MRPS27: variants seen among roughly 807,000 people sequenced by gnomAD.
The protein encoded by MRPS27 is mitochondrial ribosomal protein S27, also known as small ribosomal subunit protein mS27.
A neutral mutation model predicts 48.9 loss-of-function variants in MRPS27; 43 were observed. That is an observed-to-expected ratio of 0.88 (90% CI 0.69 to 1.13). The LOEUF (loss-of-function observed/expected upper bound fraction) is 1.13. MRPS27 is among the 50% of genes most tolerant of loss of function. The pLI is 0.00. For synonymous variants in MRPS27, 188 were observed against 171.9 expected (o/e 1.09, Z -0.73); for missense variants, 467 against 476.3 (o/e 0.98, Z 0.18).
chr5:72,271,573 T>C (rs570194717), intron 4 of MRPS27, among the ~76,000 whole-genome samples: 1 of 152,240 alleles, frequency 6.6e-6, no homozygotes, highest in African/African-American at 2.4e-5. Context: ...GACAGGTAAA[T>C]ATAATGTGTG....
chr5:72,267,053 C>T (rs1408202692), intron 4 of MRPS27, among the ~76,000 whole-genome samples: 1 of 152,154 alleles, frequency 6.6e-6, no homozygotes, highest in Non-Finnish European at 1.5e-5. Context: ...TTTTCCAGAG[C>T]ACTTCTACAT....
chr5:72,234,000 C>T (rs933245657), intron 6 of MRPS27, 119 bp downstream of exon 6: 275 of 1,128,146 alleles, frequency 2.4e-4, no homozygotes, highest in Non-Finnish European at 3.0e-4. Context: ...ACTTTTCTGA[C>T]TAAACGAGTA....
At chr5:72,308,305 G>A (rs1193603033) in intron 2 of MRPS27, among the ~76,000 whole-genome samples, 1 of 152,248 alleles carries the variant, frequency 6.6e-6, no homozygotes, top group East Asian at 1.9e-4. Flanking sequence ...CGGCTCAGGG[G>A]AGACGGCGCT....
chr5:72,305,189 T>C (rs1750227360), intron 2 of MRPS27, among the ~76,000 whole-genome samples: 1 of 152,208 alleles, frequency 6.6e-6, no homozygotes, highest in South Asian at 2.1e-4. Context: ...TTTGTGTACA[T>C]ATATATTAAT....
intron 3 of MRPS27, among the ~76,000 whole-genome samples, chr5:72,297,124 T>C (rs903819047): frequency 3.3e-5 from 5 of 152,194 alleles, no homozygotes; most frequent in Admixed American, 2.0e-4. Flanking sequence ...AAAAAAATAA[T>C]GTATGTTAAG....
chr5:72,312,081 G>A (rs920922508), intron 2 of MRPS27, among the ~76,000 whole-genome samples: 2 of 152,172 alleles, frequency 1.3e-5, no homozygotes, highest in African/African-American at 2.4e-5. Context: ...GCAGTGAGCC[G>A]AGATGACGCC....
At chr5:72,256,569 T>C (rs1431880147) in intron 4 of MRPS27, among the ~76,000 whole-genome samples, 4 of 152,346 alleles carry the variant, frequency 2.6e-5, no homozygotes, top group African/African-American at 9.6e-5. Context: ...TCTTAATGTA[T>C]TGCCCTCTTC....
intron 4 of MRPS27, among the ~76,000 whole-genome samples, chr5:72,287,679 G>A (rs939940326): frequency 6.6e-6 from 1 of 151,978 alleles, no homozygotes; most frequent in African/African-American, 2.4e-5. Flanking sequence ...CAAAAGATTC[G>A]AACACTTTAC....
intron 5 of MRPS27, among the ~76,000 whole-genome samples, chr5:72,234,521 CT>C (rs1228838924): frequency 6.6e-6 from 1 of 152,004 alleles, no homozygotes; most frequent in African/African-American, 2.4e-5. Context: ...CACAACCCCC[CT>C]AACTGGTTCA....
At chr5:72,287,602 G>A (rs527333579) in intron 4 of MRPS27, among the ~76,000 whole-genome samples, 3 of 152,316 alleles carry the variant, frequency 2.0e-5, no homozygotes, top group African/African-American at 7.2e-5. Flanking sequence ...TCGTGCTACC[G>A]CACTCCAGCC....
chr5:72,269,936 T>C (rs1042345451), intron 4 of MRPS27, among the ~76,000 whole-genome samples: 163 of 152,220 alleles, frequency 1.1e-3, no homozygotes, highest in African/African-American at 3.9e-3. Flanking sequence ...CTCACGCCTG[T>C]AATCCCAGCA....
chr5:72,295,800 T>G (rs935488597), intron 3 of MRPS27, among the ~76,000 whole-genome samples: 3 of 152,214 alleles, frequency 2.0e-5, no homozygotes, highest in Admixed American at 6.5e-5. Flanking sequence ...ATGGCTTCTC[T>G]TTTTCTATGT....
chr5:72,239,468 T>C (rs1320548780), intron 4 of MRPS27, among the ~76,000 whole-genome samples: 2 of 152,166 alleles, frequency 1.3e-5, no homozygotes, highest in African/African-American at 4.8e-5. Context: ...CTAGAAAATG[T>C]CTCTCTCACT....
intron 4 of MRPS27, among the ~76,000 whole-genome samples, chr5:72,245,303 C>G (rs1325648215): frequency 1.3e-5 from 2 of 152,208 alleles, no homozygotes; most frequent in African/African-American, 4.8e-5. Flanking sequence ...ATCCCGGAAC[C>G]AGTCCTGTTT....
At chr5:72,302,877 C>T (rs1412076349) in intron 2 of MRPS27, among the ~76,000 whole-genome samples, 2 of 152,192 alleles carry the variant, frequency 1.3e-5, no homozygotes, top group East Asian at 3.8e-4. Context: ...TAAAACTTAT[C>T]ACTACAATAA....
intron 4 of MRPS27, among the ~76,000 whole-genome samples, chr5:72,241,115 G>A (rs73125475): frequency 0.013 from 2,002 of 152,274 alleles, 55 homozygotes; most frequent in African/African-American, 0.046. Flanking sequence ...ACAGCTCACT[G>A]CAGCCTTGAA....
chr5:72,288,354 C>T (rs1158231667), intron 4 of MRPS27, among the ~76,000 whole-genome samples: 1 of 152,062 alleles, frequency 6.6e-6, no homozygotes, highest in Non-Finnish European at 1.5e-5. Flanking sequence ...TCTACAGGCG[C>T]CCACCACCAT....
chr5:72,225,571 C>G (rs1173075527), intron 9 of MRPS27, among the ~76,000 whole-genome samples: 1 of 152,018 alleles, frequency 6.6e-6, no homozygotes, highest in Non-Finnish European at 1.5e-5. Context: ...CACCTTAGAA[C>G]TTTGAAAGAA....
chr5:72,285,901 C>T (rs957394377), intron 4 of MRPS27, among the ~76,000 whole-genome samples: 6 of 152,156 alleles, frequency 3.9e-5, no homozygotes, highest in Non-Finnish European at 8.8e-5. Flanking sequence ...TTAAAAAATA[C>T]TCTCAAAGCC....
Sources: allele counts gnomAD v4.1 joint callset (sites outside exome capture counted in the v4.1 genomes callset), GRCh38; gene constraint gnomAD v4.1.1; transcripts MANE v1.5; gene names NCBI Gene and HGNC (gene_info 2026-07-23, HGNC 2026-07-21).